NTM: variants seen among roughly 807,000 people sequenced by gnomAD.
NTM encodes the protein neurotrimin, also known as IgLON family member 2.
In NTM, 13 loss-of-function variants were observed where a neutral mutation model predicts 42.1. The ratio of observed to expected loss-of-function variants is 0.31; its 90% CI spans 0.20 to 0.49. The LOEUF (loss-of-function observed/expected upper bound fraction) is 0.49, where lower values mean the gene tolerates loss of function less well. Ranked by LOEUF, NTM falls within the 20% of genes least tolerant of loss-of-function variation. The probability of loss-of-function intolerance (pLI) is 0.99; values close to 1 mark genes in which losing one functional copy is unlikely to be tolerated. For synonymous variants in NTM, 187 were observed against 179.2 expected (o/e 1.04, Z -0.35); for missense variants, 373 against 452.8 (o/e 0.82, Z 1.60).
intron 1 of NTM, among the ~76,000 whole-genome samples, chr11:131,729,058 T>C (rs895931864): frequency 2.0e-5 from 3 of 151,958 alleles, no homozygotes; most frequent in Admixed American, 2.0e-4. Flanking sequence ...GATTTAGGAG[T>C]CAGGCTATAT....
chr11:131,845,099 C>T (rs1413677655), intron 1 of NTM, among the ~76,000 whole-genome samples: 3 of 152,142 alleles, frequency 2.0e-5, no homozygotes, highest in Non-Finnish European at 4.4e-5. Context: ...TTGGTGAATG[C>T]CCTTTTTGAA....
chr11:132,311,840 G>C (rs2095290018), intron 6 of NTM, among the ~76,000 whole-genome samples: 1 of 152,208 alleles, frequency 6.6e-6, no homozygotes, highest in Admixed American at 6.5e-5. Flanking sequence ...AAGGATGAGA[G>C]AGCTCTCCTC....
At chr11:131,734,563 C>T (rs539079247) in intron 1 of NTM, among the ~76,000 whole-genome samples, 4 of 152,232 alleles carry the variant, frequency 2.6e-5, no homozygotes, top group East Asian at 1.9e-4. Context: ...ACTGGCAGGA[C>T]GCAGTCAAGA....
chr11:132,225,978 TTG>T (rs1273073219), intron 4 of NTM, among the ~76,000 whole-genome samples: 1 of 152,182 alleles, frequency 6.6e-6, no homozygotes, highest in Non-Finnish European at 1.5e-5. Context: ...TTTTCTGTTC[TTG>T]TGTTTGTTTG....
At chr11:131,707,692 G>C (rs989763518) in intron 1 of NTM, among the ~76,000 whole-genome samples, 5 of 151,890 alleles carry the variant, frequency 3.3e-5, no homozygotes, top group Non-Finnish European at 5.9e-5. Flanking sequence ...ATTCTAACAG[G>C]TCTGAGCATT....
At chr11:131,402,107 C>T (rs941166999) in intron 1 of NTM, among the ~76,000 whole-genome samples, 3 of 151,368 alleles carry the variant, frequency 2.0e-5, no homozygotes, top group Non-Finnish European at 2.9e-5. Context: ...GGCAAAGGGT[C>T]GTCATTGACC....
chr11:132,149,064 C>T (rs1181065453), intron 3 of NTM, among the ~76,000 whole-genome samples: 3 of 152,066 alleles, frequency 2.0e-5, no homozygotes, highest in Non-Finnish European at 2.9e-5. Context: ...CAAGCTAATC[C>T]GCTGTCGATA....
chr11:132,178,245 A>G (rs2077090765), intron 3 of NTM, among the ~76,000 whole-genome samples: 1 of 152,210 alleles, frequency 6.6e-6, no homozygotes, highest in Non-Finnish European at 1.5e-5. Flanking sequence ...TTGCTTGATG[A>G]AACAACAAAG....
intron 2 of NTM, among the ~76,000 whole-genome samples, chr11:132,020,776 C>T (rs2074215839): frequency 6.6e-6 from 1 of 151,946 alleles, no homozygotes; most frequent in South Asian, 2.1e-4. Context: ...TCAGTGTTCC[C>T]CTATAATTTT....
rs115024446 is a variant in NTM at position 132,243,328 on chromosome 11, C to T, written c.526+31181C>T. On this transcript the variant is annotated intron_variant, in intron 4 of 8. Coordinates refer to ENST00000683400, the MANE Select transcript of NTM (RefSeq NM_001352005.2). The stretch of plus-strand genomic sequence containing the variant: ...GCAAGGGTGCAAACTCCATGTGACT[C>T]AACAAATATTTGAATTTGTCATTCA... Among the ~76,000 whole-genome samples, 1,013 of 152,292 alleles carry T rather than the reference C, an allele frequency of 6.7e-3. 7 individuals are homozygous for T. The highest frequency in any genetic ancestry group is 0.023 in the African/African-American group (947 of 41,566).
chr11:132,156,687 CAT>C (rs1491271666), intron 3 of NTM, among the ~76,000 whole-genome samples: 1 of 144,504 alleles, frequency 6.9e-6, no homozygotes, highest in Non-Finnish European at 1.6e-5. Flanking sequence ...CAAAATGATT[CAT>C]TTTTTTTTCA....
At chr11:131,480,693 A>C (rs1334300176) in intron 1 of NTM, among the ~76,000 whole-genome samples, 7 of 152,214 alleles carry the variant, frequency 4.6e-5, no homozygotes, top group Non-Finnish European at 1.0e-4. Flanking sequence ...AAAAAGTCAG[A>C]AAGGGCATCT....
chr11:131,810,710 G>A (rs569196901), intron 1 of NTM, among the ~76,000 whole-genome samples: 5 of 152,338 alleles, frequency 3.3e-5, no homozygotes, highest in Admixed American at 6.5e-5. Context: ...TTTGGTCACT[G>A]TGCCAGGAAG....
chr11:131,566,383 T>G (rs1159923646), intron 1 of NTM, among the ~76,000 whole-genome samples: 1 of 151,582 alleles, frequency 6.6e-6, no homozygotes, highest in East Asian at 1.9e-4. Flanking sequence ...CAGGAGGGAG[T>G]CTCCCCGTAC....
chr11:132,312,445 A>G (rs559316128), intron 6 of NTM: 1 of 152,640 alleles, frequency 6.6e-6, no homozygotes, highest in South Asian at 2.1e-4. Context: ...CAACAGGGGC[A>G]TTGACCAATG....
At chr11:131,795,868 A>G (rs1038541455) in intron 1 of NTM, 13 of 984,478 alleles carry the variant, frequency 1.3e-5, no homozygotes, top group African/African-American at 1.0e-4. Flanking sequence ...CTCCTGAACC[A>G]TAGAGACCGC....
intron 1 of NTM, among the ~76,000 whole-genome samples, chr11:131,684,187 G>A (rs1397032375): frequency 2.0e-5 from 3 of 152,126 alleles, no homozygotes; most frequent in African/African-American, 7.2e-5. Flanking sequence ...TCTGAGGCAC[G>A]GGCCCCGGGG....
chr11:132,317,825 A>G (rs2095470992), intron 7 of NTM: 1 of 423,238 alleles, frequency 2.4e-6, no homozygotes, highest in Non-Finnish European at 4.4e-6. Context: ...GAAGGAGGTG[A>G]TTGATTGGGA....
intron 1 of NTM, among the ~76,000 whole-genome samples, chr11:131,476,331 G>T (rs1283197429): frequency 1.3e-5 from 2 of 152,214 alleles, no homozygotes; most frequent in African/African-American, 4.8e-5. Flanking sequence ...CAGGGTTGGG[G>T]TCTAAAACCA....
Sources: gnomAD v4.1 joint callset for allele counts (sites outside exome capture counted in the v4.1 genomes callset) on GRCh38, gnomAD v4.1.1 for gene constraint, MANE v1.5 for transcripts, NCBI Gene and HGNC (gene_info 2026-07-23, HGNC 2026-07-21) for gene names.